SKAP1: variants seen among roughly 807,000 people sequenced by gnomAD.
SKAP1 encodes src kinase associated phosphoprotein 1.
In SKAP1, 44 loss-of-function variants were observed where a neutral mutation model predicts 58.5. The observed-to-expected ratio is 0.75, with a 90% CI of 0.59 to 0.97. The LOEUF is 0.97. SKAP1 is among the 50% of genes least tolerant of loss of function. The probability of loss-of-function intolerance (pLI) is 0.00; values close to 1 mark genes in which losing one functional copy is unlikely to be tolerated. For synonymous variants in SKAP1, 127 were observed against 149.7 expected, an observed-to-expected ratio of 0.85 and a Z score of 1.11; for missense variants, 390 against 435.2, an observed-to-expected ratio of 0.90 and a Z score of 0.92.
intron 11 of SKAP1, among the ~76,000 whole-genome samples, chr17:48,137,751 A>G (rs1031938087): frequency 6.6e-6 from 1 of 152,230 alleles, no homozygotes; most frequent in African/African-American, 2.4e-5. Flanking sequence ...TTGAGTTCCC[A>G]TGAGGTATGT....
At chr17:48,215,523 T>C (rs1159670328) in intron 4 of SKAP1, among the ~76,000 whole-genome samples, 1 of 152,212 alleles carries the variant, frequency 6.6e-6, no homozygotes, top group Non-Finnish European at 1.5e-5. Context: ...TTGGGCTTTT[T>C]AAAAAGGTAT....
chr17:48,204,973 T>TTTCTTTC (rs1555602828), intron 4 of SKAP1, among the ~76,000 whole-genome samples: 8 of 77,294 alleles, frequency 1.0e-4, no homozygotes, highest in Admixed American at 2.9e-4. Flanking sequence ...TTTTCTTTTC[T>TTTCTTTC]TTTCTTTCTT....
chr17:48,436,575 G>T, the SKAP1 span, among the ~76,000 whole-genome samples: 2 of 151,994 alleles, frequency 1.3e-5, no homozygotes, highest in South Asian at 4.1e-4. Context: ...CCACCTTTGA[G>T]ATCTTCAGTC....
At chr17:48,379,378 T>C (rs1158289507) in intron 2 of SKAP1, among the ~76,000 whole-genome samples, 2 of 152,244 alleles carry the variant, frequency 1.3e-5, no homozygotes, top group Admixed American at 6.5e-5. Context: ...ATAACATTAT[T>C]TCACTCATTC....
chr17:48,338,422 G>T (rs1015884035), intron 4 of SKAP1, among the ~76,000 whole-genome samples: 4 of 152,126 alleles, frequency 2.6e-5, no homozygotes. Context: ...AAAGTTCTGG[G>T]ATTACAGGCA....
chr17:48,298,180 T>C (rs1191735533), intron 4 of SKAP1, among the ~76,000 whole-genome samples: 1 of 152,260 alleles, frequency 6.6e-6, no homozygotes, highest in East Asian at 1.9e-4. Flanking sequence ...ATGACAGTTC[T>C]GTATGTCATC....
At chr17:48,157,907 G>A (rs2143231574) in intron 11 of SKAP1, among the ~76,000 whole-genome samples, 1 of 151,118 alleles carries the variant, frequency 6.6e-6, no homozygotes. Context: ...GCCGGACATG[G>A]TGGCTCACAC....
chr17:48,379,972 G>A (rs376580098), intron 2 of SKAP1, among the ~76,000 whole-genome samples: 4 of 152,188 alleles, frequency 2.6e-5, no homozygotes, highest in South Asian at 4.2e-4. Flanking sequence ...ATGAGCCACC[G>A]TGCCCGGCCT....
At chr17:48,292,157 AAG>A (rs2065907130) in intron 4 of SKAP1, among the ~76,000 whole-genome samples, 1 of 151,598 alleles carries the variant, frequency 6.6e-6, no homozygotes, top group Admixed American at 6.6e-5. Flanking sequence ...GAAAGAAAGA[AAG>A]AAAAGAAAAA....
At chr17:48,399,506 T>C (rs1479029929) in intron 1 of SKAP1, among the ~76,000 whole-genome samples, 1 of 152,118 alleles carries the variant, frequency 6.6e-6, no homozygotes, top group Non-Finnish European at 1.5e-5. Context: ...GTGCCTGTAA[T>C]CCCAACCTTT....
chr17:48,229,722 T>C (rs1158018009), intron 4 of SKAP1, among the ~76,000 whole-genome samples: 4 of 152,184 alleles, frequency 2.6e-5, no homozygotes, highest in Non-Finnish European at 4.4e-5. Flanking sequence ...TCCTTAATCT[T>C]GAGTTTATAT....
intron 4 of SKAP1, among the ~76,000 whole-genome samples, chr17:48,213,677 G>A (rs1432604293): frequency 6.6e-6 from 1 of 152,130 alleles, no homozygotes; most frequent in African/African-American, 2.4e-5. Flanking sequence ...CTACCTTGGT[G>A]TTTCCCACCC....
intron 4 of SKAP1, among the ~76,000 whole-genome samples, chr17:48,257,631 T>TC (rs1301289459): frequency 7.5e-5 from 9 of 119,852 alleles, no homozygotes; most frequent in African/African-American, 3.3e-4. Flanking sequence ...TTTCTTTCTT[T>TC]TTTTTTTTTT....
At chr17:48,437,741 C>CAAAAAAA in the SKAP1 span, among the ~76,000 whole-genome samples, 13 of 65,526 alleles carry the variant, frequency 2.0e-4, 1 homozygote, top group African/African-American at 7.7e-4. Context: ...GACTCTGTCT[C>CAAAAAAA]AAAAAAAAAA....
chr17:48,404,090 GA>G lies in SKAP1; in HGVS notation c.47-7306del, dbSNP rs35347144. ...GGAGACAGAGTGAGACTCTGTCTCG[GA>G]AAAAAAAAAAAAAAATAGAAATCAC... On this transcript the variant is annotated intron_variant, in intron 1 of 12. Coordinates refer to ENST00000336915, the MANE Select transcript of SKAP1 (RefSeq NM_003726.4). 4.9e-3 allele frequency among the ~76,000 whole-genome samples: 561 copies of G among 115,000 alleles called. 1 individual carries two copies. Among genetic ancestry groups the G allele is most frequent in the African/African-American group, 0.01 (307 of 30,638 alleles). The allele number at this position is 115,000 out of a possible 152,430, so 75.4% of individuals were successfully genotyped here.
At chr17:48,156,362 CGG>C in intron 11 of SKAP1, 1 of 269,830 alleles carries the variant, frequency 3.7e-6, no homozygotes, top group Non-Finnish European at 7.9e-6. Flanking sequence ...CGGTGGTCGC[CGG>C]CATCGTGGGA....
At chr17:48,275,191 A>G (rs2144006584) in intron 4 of SKAP1, among the ~76,000 whole-genome samples, 1 of 152,238 alleles carries the variant, frequency 6.6e-6, no homozygotes, top group Middle Eastern at 3.4e-3. Flanking sequence ...TTTGGCTCCC[A>G]CCTTTAAAGC....
At chr17:48,324,241 G>T (rs1450322189) in intron 4 of SKAP1, among the ~76,000 whole-genome samples, 1 of 151,918 alleles carries the variant, frequency 6.6e-6, no homozygotes, top group African/African-American at 2.4e-5. Flanking sequence ...AATATATCAT[G>T]AACATTTTCC....
At chr17:48,224,580 A>G (rs1868871803) in intron 4 of SKAP1, among the ~76,000 whole-genome samples, 1 of 152,176 alleles carries the variant, frequency 6.6e-6, no homozygotes, top group Admixed American at 6.5e-5. Flanking sequence ...AACAAAGTAA[A>G]CTGGTTCTTG....
Sources: allele counts gnomAD v4.1 joint callset (sites outside exome capture counted in the v4.1 genomes callset), GRCh38; gene constraint gnomAD v4.1.1; transcripts MANE v1.5; gene names NCBI Gene and HGNC (gene_info 2026-07-23, HGNC 2026-07-21).